Variants in SLC16A3 observed in about 807,000 individuals in gnomAD.
The protein encoded by SLC16A3 is solute carrier family 16 member 3.
SLC16A3 carries 22 observed loss-of-function variants against 25.0 expected under a neutral mutation model. That is an observed-to-expected ratio of 0.88 (90% confidence interval 0.63 to 1.26). SLC16A3 has a LOEUF of 1.26. Among genes scored for constraint, SLC16A3 ranks in the 50% most tolerant of loss-of-function variants. SLC16A3 has a pLI of 0.00. For missense variants in SLC16A3, 731 were observed against 666.6 expected (o/e 1.10, Z -1.06); for synonymous variants, 390 against 309.2 (o/e 1.26, Z -2.74).
chr17:82,226,383 TGTGGGGTGG>T (rs146807636), upstream of SLC16A3, among the ~76,000 whole-genome samples: 33 of 152,224 alleles, frequency 2.2e-4, no homozygotes, highest in East Asian at 5.8e-3. Flanking sequence ...TGGAGCCAGG[TGTGGGGTGG>T]GTGCTCCCAA....
chr17:82,233,084 C>T (rs1236852434), intron 1 of SLC16A3, among the ~76,000 whole-genome samples: 1 of 152,140 alleles, frequency 6.6e-6, no homozygotes, highest in Non-Finnish European at 1.5e-5. Flanking sequence ...CCGGGGTTAT[C>T]CTGGAAGATG....
chr17:82,237,479 G>A lies in SLC16A3; in HGVS notation c.709G>A (p.Val237Ile), dbSNP rs2050635549. The A allele has an allele frequency of 6.2e-7, 1 of 1,609,916 alleles. No homozygotes were observed. The highest frequency in any genetic ancestry group is 1.3e-5 in the African/African-American group (1 of 74,922). ...GFVLYAVAAS[V>I]MVLGLFVPPV... ...TGTGCTTTACGCCGTGGCCGCCTCG[G>A]TCATGGTGCTGGGGCTCTTCGTCCC... Residue 237 changes from valine (V) to isoleucine (I), a missense_variant, in exon 4 of 5, where the codon GTC becomes ATC. By Grantham distance (29) the Val-to-Ile change is conservative. Transcript: ENST00000582743.
intron 1 of SLC16A3, among the ~76,000 whole-genome samples, chr17:82,222,852 T>C (rs370662551): frequency 1.3e-5 from 2 of 148,908 alleles, no homozygotes; most frequent in East Asian, 2.0e-4. Flanking sequence ...CCCTCTCCCA[T>C]GGACGAACAT....
Position 82,237,352 on chromosome 17 carries a change from C to A in SLC16A3, c.582C>A (p.Ala194=). ...GGLLLNCCVC[A]ALMRPLVVTA... ...TGCTGCTCAACTGCTGCGTGTGTGC[C>A]GCACTCATGAGGCCCCTGGTGGTCA... Residue 194 remains alanine, a synonymous_variant, in exon 4 of 5, where the codon GCC becomes GCA. Coordinates refer to ENST00000582743, the MANE Select transcript of SLC16A3 (RefSeq NM_004207.4). The A allele has an allele frequency of 6.5e-7, 1 of 1,538,896 alleles. No individual in the cohort carries two copies. Among genetic ancestry groups the A allele is most frequent in the Non-Finnish European group, 8.8e-7 (1 of 1,140,260 alleles).
chr17:82,233,272 CGAT>C (rs1254754590), intron 1 of SLC16A3, among the ~76,000 whole-genome samples: 1 of 152,192 alleles, frequency 6.6e-6, no homozygotes, highest in Non-Finnish European at 1.5e-5. Context: ...TGAGGACAGA[CGAT>C]GGTGCCAGGT....
upstream of SLC16A3, among the ~76,000 whole-genome samples, chr17:82,224,730 G>A (rs532851333): frequency 1.6e-3 from 237 of 150,712 alleles, 1 homozygote; most frequent in South Asian, 0.018. Flanking sequence ...CCCTACACCC[G>A]TGCAGACACA....
rs951211897 is a variant in SLC16A3 at position 82,239,137 on chromosome 17, C to T, written c.*161C>T. ...ATCAGTGTTTTGAGGGGGAAGGTGGCGGGGTGGGAACCGTGTCATTCCAGA... is the reference window on the plus strand; with the variant it reads ...ATCAGTGTTTTGAGGGGGAAGGTGGTGGGGTGGGAACCGTGTCATTCCAGA... On this transcript the variant is annotated 3_prime_UTR_variant, in exon 5 of 5. Coordinates refer to ENST00000582743, the MANE Select transcript of SLC16A3 (RefSeq NM_004207.4). 24 of 661,202 alleles carry T rather than the reference C, an allele frequency of 3.6e-5. No homozygotes were observed. The highest frequency in any genetic ancestry group is 6.8e-5 in the Admixed American group (2 of 29,228). The allele number at this position is 661,202 out of a possible 1,614,324, so 41.0% of individuals were successfully genotyped here.
upstream of SLC16A3, among the ~76,000 whole-genome samples, chr17:82,227,945 G>C (rs2050437700): frequency 6.6e-6 from 1 of 152,198 alleles, no homozygotes; most frequent in South Asian, 2.1e-4. Context: ...CAGATGGAGA[G>C]CCAAGGCCCA....
Position 82,237,524 on chromosome 17 carries a change from T to C in SLC16A3, c.754T>C (p.Tyr252His), listed in dbSNP as rs751233074. 6.2e-7 allele frequency: 1 copy of C among 1,611,728 alleles called. No individual in the cohort carries two copies. The change falls in exon 4 of 5, where the codon TAC (tyrosine) becomes CAC (histidine). Residue 252 changes from tyrosine (Y) to histidine (H), a missense_variant. By Grantham distance (83) the Tyr-to-His change is moderately conservative. Transcript: ENST00000582743. ...CGTCCCGCCCGTGTTCGTGGTGAGC[T>C]ACGCCAAGGACCTGGGCGTGCCCGA... ...LFVPPVFVVSYAKDLGVPDTK... is the reference protein window; with the variant it reads ...LFVPPVFVVSHAKDLGVPDTK...
intron 1 of SLC16A3, among the ~76,000 whole-genome samples, chr17:82,219,022 T>C (rs1599546117): frequency 6.6e-6 from 1 of 151,648 alleles, no homozygotes; most frequent in Non-Finnish European, 1.5e-5. Context: ...TCTCGGAGGG[T>C]CTGGGCTCTA....
At chr17:82,236,272 G>C in intron 2 of SLC16A3, 41 bp downstream of exon 2, 1 of 1,575,026 alleles carries the variant, frequency 6.3e-7, no homozygotes, top group South Asian at 1.1e-5. Context: ...CCGGGGCTCT[G>C]CTGGCGGATC....
chr17:82,224,927 C>A (rs139703056), upstream of SLC16A3, among the ~76,000 whole-genome samples: 1 of 152,204 alleles, frequency 6.6e-6, no homozygotes, highest in Non-Finnish European at 1.5e-5. Context: ...GGCCACGGTG[C>A]GGCTTCTCCT....
intron 1 of SLC16A3, among the ~76,000 whole-genome samples, chr17:82,219,046 T>C (rs2147104907): frequency 6.6e-6 from 1 of 151,796 alleles, no homozygotes; most frequent in Non-Finnish European, 1.5e-5. Flanking sequence ...CGTTTCGGGG[T>C]TACCGTGAGA....
Position 82,237,303 on chromosome 17 carries a change from G to GCCC in SLC16A3, c.534_535insCCC (p.Gly178_Gly179insPro). 6.4e-7 allele frequency: 1 copy of GCCC among 1,554,120 alleles called. No individual in the cohort carries two copies. The highest frequency in any genetic ancestry group is 8.7e-7 in the Non-Finnish European group (1 of 1,149,150). On this transcript the variant is annotated inframe_insertion, in exon 4 of 5. Transcript: ENST00000582743. ...CTGCAGGACCGCTACGGCTGGCGGG[G>GCCC]CGGCTTCCTCATCCTGGGCGGCCTG...
rs368643451 is a variant in SLC16A3 at position 82,238,899 on chromosome 17, C to G, written c.1321C>G (p.Arg441Gly). 6.2e-7 allele frequency: 1 copy of G among 1,601,050 alleles called. No homozygotes were observed. The highest frequency in any genetic ancestry group is 8.5e-7 in the Non-Finnish European group (1 of 1,171,510). Residue 441 changes from arginine (R) to glycine (G), a missense_variant, in exon 5 of 5, where the codon CGG (arginine) becomes GGG (glycine). Arg to Gly is a moderately radical substitution (Grantham distance 125, BLOSUM62 -2). Coordinates refer to ENST00000582743, the MANE Select transcript of SLC16A3 (RefSeq NM_004207.4). ...TCCTGCAGACTCGGGGGTGGACTTG[C>G]GGGAGGTGGAGCATTTCCTGAAGGC... Reference protein sequence around the residue: ...KPPADSGVDLREVEHFLKAEP... With the variant: ...KPPADSGVDLGEVEHFLKAEP...
In SLC16A3 at chr17:82,239,119, T is replaced by C; in HGVS notation, c.*143T>C. 1.3e-6 allele frequency: 1 copy of C among 768,484 alleles called. No homozygotes were observed. The highest frequency in any genetic ancestry group is 2.0e-6 in the Non-Finnish European group (1 of 505,496). The allele number at this position is 768,484 out of a possible 1,614,324, so 47.6% of individuals were successfully genotyped here. The stretch of plus-strand genomic sequence containing the variant: ...CCAGCGGATCGTCGCCCGATCAGTG[T>C]TTTGAGGGGGAAGGTGGCGGGGTGG... On this transcript the variant is annotated 3_prime_UTR_variant, in exon 5 of 5. Transcript: ENST00000582743.
At chr17:82,228,335 C>G (rs960683065), upstream of SLC16A3, 1 of 152,284 alleles carries the variant, frequency 6.6e-6, no homozygotes, top group Non-Finnish European at 1.5e-5. Context: ...GGTTCTGGGC[C>G]GCGAGAGGGG....
At chr17:82,223,679 ATTGT>A (rs1264334984), upstream of SLC16A3, among the ~76,000 whole-genome samples, 3 of 152,046 alleles carry the variant, frequency 2.0e-5, no homozygotes, top group South Asian at 4.1e-4. Context: ...CGTGTGGCTA[ATTGT>A]TTGTATTTTT....
At chr17:82,227,503 C>T (rs909433895), upstream of SLC16A3, among the ~76,000 whole-genome samples, 10 of 152,286 alleles carry the variant, frequency 6.6e-5, no homozygotes, top group Non-Finnish European at 1.0e-4. Flanking sequence ...CAGCTGTCCA[C>T]GGTGCCTCGC....
Sources: allele counts gnomAD v4.1 joint callset (sites outside exome capture counted in the v4.1 genomes callset), GRCh38; gene constraint gnomAD v4.1.1; transcripts MANE v1.5; gene names NCBI Gene and HGNC (gene_info 2026-07-23, HGNC 2026-07-21).